Variants in ANKRD11 observed in about 807,000 individuals in gnomAD.
The protein encoded by ANKRD11 is ankyrin repeat domain 11.
A neutral mutation model predicts 195.7 loss-of-function variants in ANKRD11; 17 were observed. The ratio of observed to expected loss-of-function variants is 0.09; its 90% confidence interval spans 0.06 to 0.13. ANKRD11 has a LOEUF of 0.13. ANKRD11 is among the 10% of genes least tolerant of loss of function. ANKRD11 has a pLI of 1.00. For synonymous variants in ANKRD11, 1,953 were observed against 1,528.1 expected (o/e 1.28, Z -6.49); for missense variants, 3,735 against 3,566.1 (o/e 1.05, Z -1.21).
intron 2 of ANKRD11, among the ~76,000 whole-genome samples, chr16:89,415,829 C>CAAAAAAAAAAAAACAAAAAAAAAAAA (rs2042278447): frequency 2.5e-5 from 1 of 39,744 alleles, no homozygotes; most frequent in Non-Finnish European, 4.7e-5. Context: ...GACTCTGTCT[C>CAAAAAAAAAAAAACAAAAAAAAAAAA]AAAAAAAAAA....
At chr16:89,466,537 G>C (rs2056891306) in intron 1 of ANKRD11, among the ~76,000 whole-genome samples, 1 of 151,940 alleles carries the variant, frequency 6.6e-6, no homozygotes, top group East Asian at 1.9e-4. Context: ...CACCCAACGG[G>C]GTAAAATTCC....
chr16:89,405,737 C>T (rs1342116689), intron 2 of ANKRD11, among the ~76,000 whole-genome samples: 3 of 152,084 alleles, frequency 2.0e-5, no homozygotes, highest in Non-Finnish European at 4.4e-5. Context: ...GGCCTGTCCA[C>T]GAAGCTCCTC....
chr16:89,489,706 G>C (rs2057747725), intron 1 of ANKRD11, among the ~76,000 whole-genome samples: 1 of 149,888 alleles, frequency 6.7e-6, no homozygotes, highest in Non-Finnish European at 1.5e-5. Flanking sequence ...CCTCCCGGCA[G>C]CCTCAGGTCC....
At position 89,291,074 on chromosome 16, in the gene ANKRD11, G is replaced by A. The variant is rs751678280; in HGVS notation, c.336C>T (p.Ser112=). Residue 112 remains serine (S), a synonymous_variant, in exon 5 of 13, where the codon TCC becomes TCT. Coordinates refer to ENST00000301030, the MANE Select transcript of ANKRD11 (RefSeq NM_013275.6). The surrounding 1 kb of genome is among the most constrained non-coding windows in gnomAD (Gnocchi z 5.3). ...TGAGAAGGGCCACCTGCTGGCGCTC[G>A]GAGAGGGGGTAGCCGGCTCGGATTC... is the stretch of plus-strand genomic sequence containing the variant. The part of the protein sequence containing the change: ...LSGIRAGYPL[S]ERQQVALLMQ... 1.1e-5 allele frequency: 18 copies of A among 1,613,438 alleles called. No individual in the cohort carries two copies. Among genetic ancestry groups the A allele is most frequent in the East Asian group, 6.7e-5 (3 of 44,880 alleles).
chr16:89,449,168 C>T (rs949755667), intron 1 of ANKRD11, among the ~76,000 whole-genome samples: 2 of 137,812 alleles, frequency 1.5e-5, no homozygotes, highest in Non-Finnish European at 3.1e-5. Context: ...CTAACCAACA[C>T]AGTGAAACCC....
At position 89,279,689 on chromosome 16, in the gene ANKRD11, C is replaced by T. The variant is rs1212718041; in HGVS notation, c.6853G>A (p.Ala2285Thr). The T allele has an allele frequency of 6.0e-6, 9 of 1,493,848 alleles. No homozygotes were observed. The highest frequency in any genetic ancestry group is 2.2e-4 in the Middle Eastern group (1 of 4,604). 92.5% of individuals were successfully genotyped at this position (1,493,848 alleles called of 1,614,324 possible). ...TCGTCCTCGGGGCCGGCACCGTCTG[C>T]GGCCTGAGCTTGTGCCACAGTGTTC... ...APNTVAQAQA[A>T]DGAGPEDDTE... is the part of the protein sequence containing the mutation. The change falls in exon 9 of 13, where the codon GCA becomes ACA. Residue 2285 changes from alanine to threonine, a missense_variant. Coordinates refer to ENST00000301030, the MANE Select transcript of ANKRD11 (RefSeq NM_013275.6). This position sits in a 1 kb window ranked among gnomAD's most constrained non-coding sequence, Gnocchi z 5.6.
intron 2 of ANKRD11, among the ~76,000 whole-genome samples, chr16:89,325,367 G>A (rs568821427): frequency 5.5e-4 from 83 of 152,192 alleles, no homozygotes; most frequent in African/African-American, 2.0e-3. Flanking sequence ...GAGCCCAGGA[G>A]GTCGAGGCTG....
intron 2 of ANKRD11, among the ~76,000 whole-genome samples, chr16:89,377,117 T>TC (rs1334023590): frequency 2.0e-5 from 3 of 152,114 alleles, no homozygotes; most frequent in Non-Finnish European, 4.4e-5. Flanking sequence ...ATGCCCTTGG[T>TC]CCCCCAGAAC....
At chr16:89,325,640 G>A (rs2037668845) in intron 2 of ANKRD11, among the ~76,000 whole-genome samples, 1 of 152,250 alleles carries the variant, frequency 6.6e-6, no homozygotes, top group South Asian at 2.1e-4. Flanking sequence ...AATTGGAAGG[G>A]ACGGTGAAAC....
chr16:89,450,868 CATGAAAATGACTA>C, intron 1 of ANKRD11, among the ~76,000 whole-genome samples: 1 of 152,222 alleles, frequency 6.6e-6, no homozygotes, highest in East Asian at 1.9e-4. Context: ...TTCCATCAGC[CATGAAAATGACTA>C]ATGAAAATGT....
At chr16:89,449,467 A>G (rs965957606) in intron 1 of ANKRD11, among the ~76,000 whole-genome samples, 1 of 152,042 alleles carries the variant, frequency 6.6e-6, no homozygotes, top group Admixed American at 6.5e-5. Flanking sequence ...AATTATACCC[A>G]CACACCCCTT....
In ANKRD11 at chr16:89,288,916, G is replaced by T. The variant is rs1034925096; in HGVS notation, c.602-246C>A. 50 of 599,514 alleles carry T rather than the reference G, an allele frequency of 8.3e-5. No homozygotes were observed. The Middle Eastern group carries it at 1.3e-3, about 16-fold the overall frequency. The allele number at this position is 599,514 out of a possible 1,614,324, so 37.1% of individuals were successfully genotyped here. A position where few individuals can be genotyped will look rare whatever the true frequency, so the allele number is the denominator to read the frequency against. On this transcript the variant is annotated intron_variant, in intron 6 of 12. Coordinates refer to ENST00000301030, the MANE Select transcript of ANKRD11 (RefSeq NM_013275.6). The stretch of plus-strand genomic sequence containing the variant: ...AACCCTACGGACTGACAACCTGCAG[G>T]GCTAATCTGCGGCAATCACCCTAAA...
chr16:89,404,200 G>A (rs1022226106), intron 2 of ANKRD11, among the ~76,000 whole-genome samples: 1 of 152,160 alleles, frequency 6.6e-6, no homozygotes, highest in African/African-American at 2.4e-5. Flanking sequence ...AGGCAGCATG[G>A]GGTTGAGAGG....
rs1567687769 is a variant in ANKRD11, at chr16:89,352,286, CAGG to C, written c.-59-35211_-59-35209del. Among the ~76,000 whole-genome samples the C allele has an allele frequency of 1.5e-4, 23 of 151,996 alleles. No individual in the cohort carries two copies. The East Asian group carries it at 3.3e-3, about 22-fold the overall frequency. On this transcript the variant is annotated intron_variant, in intron 2 of 12. Transcript: ENST00000301030. ...CCTAAGGACTGGATCTCACAGTGGC[CAGG>C]TATGCATCACGCCACGCGGTGCAGA...
intron 2 of ANKRD11, among the ~76,000 whole-genome samples, chr16:89,331,407 G>A (rs1328502355): frequency 1.3e-5 from 2 of 152,082 alleles, no homozygotes; most frequent in African/African-American, 4.8e-5. Flanking sequence ...CTGACAAACA[G>A]GCAAAAATCC....
chr16:89,346,512 G>A (rs1035649576), intron 2 of ANKRD11, among the ~76,000 whole-genome samples: 8 of 152,196 alleles, frequency 5.3e-5, no homozygotes, highest in Admixed American at 3.3e-4. Flanking sequence ...TGATCACACA[G>A]ACAACTACAC....
chr16:89,439,381 G>A (rs933223789), intron 1 of ANKRD11, among the ~76,000 whole-genome samples: 1 of 152,026 alleles, frequency 6.6e-6, no homozygotes, highest in Non-Finnish European at 1.5e-5. Flanking sequence ...CTTGCAATGG[G>A]GTTACCTCCC....
chr16:89,428,155 C>G (rs937721125), intron 1 of ANKRD11, among the ~76,000 whole-genome samples: 1 of 152,000 alleles, frequency 6.6e-6, no homozygotes, highest in African/African-American at 2.4e-5. Context: ...TTGCAGTGAG[C>G]CAAGATCGTG....
Position 89,281,637 on chromosome 16 carries a change from C to G in ANKRD11, c.4905G>C (p.Leu1635=). 1 of 1,614,158 alleles carries G rather than the reference C, an allele frequency of 6.2e-7. No individual in the cohort carries two copies. The highest frequency in any genetic ancestry group is 8.5e-7 in the Non-Finnish European group (1 of 1,180,022). ...CCGGCGGTTTCTTAGCAGGAATGTC[C>G]AGACCCTTCTTCCGCCCGTCGTCTG... ...KPADDGRKKG[L]DIPAKKPPGL... is the part of the protein sequence containing the mutation. The change falls in exon 9 of 13, where the codon CTG becomes CTC. Residue 1635 remains leucine (L), a synonymous_variant. Coordinates refer to ENST00000301030, the MANE Select transcript of ANKRD11 (RefSeq NM_013275.6). The surrounding 1 kb of genome is among the most constrained non-coding windows in gnomAD (Gnocchi z 5.5).
Sources: gnomAD v4.1 joint callset for allele counts (sites outside exome capture counted in the v4.1 genomes callset) on GRCh38, gnomAD v4.1.1 for gene constraint, Gnocchi (gnomAD v3.1) non-coding constraint, MANE v1.5 for transcripts, NCBI Gene and HGNC (gene_info 2026-07-23, HGNC 2026-07-21) for gene names.